VPS13D: variants seen among roughly 807,000 people sequenced by gnomAD.
VPS13D encodes the protein intermembrane lipid transfer protein VPS13D.
Under a neutral mutation model 461.9 loss-of-function variants are expected in VPS13D, and 187 were observed. The ratio of observed to expected loss-of-function variants is 0.40; its 90% CI spans 0.36 to 0.46. The LOEUF is 0.46. Among genes scored for constraint, VPS13D ranks in the 20% least tolerant of loss-of-function variants. The pLI is 0.60. For missense variants in VPS13D, 4,711 were observed against 5,364.9 expected (o/e 0.88, Z 3.81); for synonymous variants, 1,951 against 1,986.3 (o/e 0.98, Z 0.47).
chr1:12,346,548 T>C, intron 43 of VPS13D, 57 bp from the exon 44 acceptor site: 2 of 1,568,156 alleles, frequency 1.3e-6, no homozygotes, highest in Non-Finnish European at 1.7e-6. Flanking sequence ...TCATTGAATT[T>C]AACGTTGCTA....
At chr1:12,425,239 T>C (rs1644910118) in intron 65 of VPS13D, among the ~76,000 whole-genome samples, 1 of 152,126 alleles carries the variant, frequency 6.6e-6, no homozygotes, top group Admixed American at 6.6e-5. Context: ...AAAGAGGGAA[T>C]GTCTTGGTCA....
At chr1:12,323,970 G>A (rs1041371045) in intron 35 of VPS13D, among the ~76,000 whole-genome samples, 190 bp downstream of exon 35, 1 of 152,022 alleles carries the variant, frequency 6.6e-6, no homozygotes, top group Non-Finnish European at 1.5e-5. Flanking sequence ...GTGCAGTGGC[G>A]CCACCTCAGC....
intron 52 of VPS13D, among the ~76,000 whole-genome samples, chr1:12,366,628 C>G (rs928984639): frequency 6.6e-6 from 1 of 152,266 alleles, no homozygotes; most frequent in East Asian, 1.9e-4. Flanking sequence ...TTTGTTAATC[C>G]TTTTAAAATG....
chr1:12,290,995 T>C lies in VPS13D; in HGVS notation c.5726-3T>C. 1 of 1,606,232 alleles carries C rather than the reference T, an allele frequency of 6.2e-7. No homozygotes were observed. The highest frequency in any genetic ancestry group is 8.5e-7 in the Non-Finnish European group (1 of 1,177,928). On this transcript the variant is annotated splice_polypyrimidine_tract_variant and splice_region_variant and intron_variant, in intron 22 of 69. Transcript: ENST00000620676. ...TAATGTGTTCTAACTTTATCATCCCTAGAGGGAGACCTGGCCTTACAGGGC... is the reference window on the plus strand; with the variant it reads ...TAATGTGTTCTAACTTTATCATCCCCAGAGGGAGACCTGGCCTTACAGGGC...
rs1166466612 is a variant in VPS13D at position 12,258,029 on chromosome 1, G to A, written c.1036G>A (p.Ala346Thr). The A allele has an allele frequency of 1.2e-6, 2 of 1,614,182 alleles. No homozygotes were observed. The highest frequency in any genetic ancestry group is 2.2e-5 in the South Asian group (2 of 91,086). The change falls in exon 10 of 70, where the codon GCT becomes ACT. Residue 346 changes from alanine (A) to threonine (T), a missense_variant. This residue lies in a region of VPS13D where 4,411 missense variants were observed against 4,937.8 expected (regional missense o/e 0.89). Transcript: ENST00000620676. ...RCTWDFMLHR[A>T]RDAVSYTDKY... ...CACCTGGGACTTTATGTTGCACCGCGCTCGTGATGCTGTATCTTACACTGA... is the reference window on the plus strand; with the variant it reads ...CACCTGGGACTTTATGTTGCACCGCACTCGTGATGCTGTATCTTACACTGA...
At chr1:12,355,838 C>A in intron 47 of VPS13D, 61 bp from the exon 48 acceptor site, 1 of 1,433,292 alleles carries the variant, frequency 7.0e-7, no homozygotes, top group South Asian at 1.6e-5. Flanking sequence ...TTTACTTTTG[C>A]TGTGAGCTAT....
At chr1:12,426,885 G>A (rs1644930031) in intron 65 of VPS13D, among the ~76,000 whole-genome samples, 1 of 152,134 alleles carries the variant, frequency 6.6e-6, no homozygotes, top group African/African-American at 2.4e-5. Flanking sequence ...GTGGTGGCAG[G>A]CGCCTGTAAT....
At chr1:12,500,976 C>T (rs1333821281) in intron 68 of VPS13D, among the ~76,000 whole-genome samples, 1 of 151,858 alleles carries the variant, frequency 6.6e-6, no homozygotes, top group African/African-American at 2.4e-5. Flanking sequence ...ATGGTTTGAG[C>T]CTGGGAGGTC....
intron 5 of VPS13D, 137 bp from the exon 6 acceptor site, chr1:12,249,086 T>TAGTG: frequency 1.6e-6 from 1 of 619,928 alleles, no homozygotes; most frequent in South Asian, 2.1e-5. Flanking sequence ...TGGTTTCCTT[T>TAGTG]AGTGGCTCAA....
chr1:12,432,894 G>A (rs1469196014), intron 65 of VPS13D, among the ~76,000 whole-genome samples: 2 of 152,048 alleles, frequency 1.3e-5, no homozygotes, highest in East Asian at 1.9e-4. Flanking sequence ...TGTGCCTGGC[G>A]TCTGAGTCCT....
chr1:12,400,421 T>TG, intron 61 of VPS13D, 91 bp downstream of exon 61: 1 of 1,496,204 alleles, frequency 6.7e-7, no homozygotes, highest in Non-Finnish European at 9.1e-7. Context: ...CAGTGCCGGG[T>TG]GCTGATGGGA....
intron 46 of VPS13D, among the ~76,000 whole-genome samples, chr1:12,351,550 A>G (rs1323110111): frequency 1.3e-5 from 2 of 151,506 alleles, no homozygotes; most frequent in Non-Finnish European, 2.9e-5. Flanking sequence ...TTGGCCTCCC[A>G]AAGTGCTGGG....
chr1:12,260,366 C>A (rs1033230110), intron 10 of VPS13D, among the ~76,000 whole-genome samples: 1 of 152,112 alleles, frequency 6.6e-6, no homozygotes, highest in Non-Finnish European at 1.5e-5. Flanking sequence ...CTGTTCTTCG[C>A]TCCCTCTCCA....
intron 46 of VPS13D, among the ~76,000 whole-genome samples, chr1:12,351,630 C>T (rs1157362074): frequency 1.3e-5 from 2 of 149,402 alleles, no homozygotes; most frequent in African/African-American, 4.9e-5. Flanking sequence ...CTTGCTGTGT[C>T]ACCCAGGCTG....
chr1:12,242,781 G>C (rs1048211092), intron 3 of VPS13D, among the ~76,000 whole-genome samples, 191 bp downstream of exon 3: 1 of 152,136 alleles, frequency 6.6e-6, no homozygotes, highest in African/African-American at 2.4e-5. Flanking sequence ...TGGTGGTGGG[G>C]AGGTCAGGTG....
rs140844294 is a variant in VPS13D at position 12,466,441 on chromosome 1, C to G, written c.12662+6045C>G. On this transcript the variant is annotated intron_variant, in intron 67 of 69. Transcript: ENST00000620676. The stretch of plus-strand genomic sequence containing the variant: ...CCCATGTATCTAGAGTGGATCAAGT[C>G]CAATATTTCTTTCAGAGTTCCTGTT... Among the ~76,000 whole-genome samples the G allele has an allele frequency of 4.5e-3, 684 of 152,314 alleles. 5 individuals are homozygous for G. Among genetic ancestry groups the G allele is most frequent in the African/African-American group, 0.015 (612 of 41,554 alleles).
At position 12,400,270 on chromosome 1, in the gene VPS13D, A is replaced by G; in HGVS notation, c.11724A>G (p.Pro3908=). Residue 3908 remains proline (P), a synonymous_variant, in exon 61 of 70, where the codon CCA becomes CCG. Transcript: ENST00000620676. ...SNENEVIETG[P]AVQVNAVKFP... ...AGAATGAGGTCATCGAGACCGGCCC[A>G]GCTGTGCAAGTCAACGCAGTGAAGT... The G allele has an allele frequency of 6.2e-7, 1 of 1,614,188 alleles. No homozygotes were observed. Among genetic ancestry groups the G allele is most frequent in the Non-Finnish European group, 8.5e-7 (1 of 1,180,026 alleles).
chr1:12,308,376 A>G (rs1156940254), intron 26 of VPS13D, 55 bp from the exon 27 acceptor site: 17 of 1,586,034 alleles, frequency 1.1e-5, no homozygotes, highest in Non-Finnish European at 1.5e-5. Context: ...GTTTAGTGCA[A>G]CCCCTTTTTG....
intron 57 of VPS13D, among the ~76,000 whole-genome samples, chr1:12,379,872 C>T (rs1264264263): frequency 2.0e-5 from 3 of 151,864 alleles, no homozygotes; most frequent in Non-Finnish European, 2.9e-5. Context: ...GGGTTCACGC[C>T]ATTCTCCTTC....
Sources: allele counts gnomAD v4.1 joint callset (sites outside exome capture counted in the v4.1 genomes callset), GRCh38; gene constraint gnomAD v4.1.1; regional missense constraint gnomAD v4.1.1; transcripts MANE v1.5; gene names NCBI Gene and HGNC (gene_info 2026-07-23, HGNC 2026-07-21).